MVB12A: variants seen among roughly 807,000 people sequenced by gnomAD.
MVB12A encodes multivesicular body subunit 12A.
MVB12A carries 30 observed loss-of-function variants against 34.3 expected under a neutral mutation model. The ratio of observed to expected loss-of-function variants is 0.88; its 90% CI spans 0.65 to 1.19. MVB12A has a LOEUF of 1.19. MVB12A is among the 50% of genes most tolerant of loss of function. MVB12A has a pLI of 0.00. For missense variants in MVB12A, 355 were observed against 369.2 expected (o/e 0.96, Z 0.31); for synonymous variants, 158 against 158.9 (o/e 0.99, Z 0.04).
At chr19:17,410,496 T>TTATATATATATA (rs1568387298) in intron 2 of MVB12A, among the ~76,000 whole-genome samples, 1 of 31,514 alleles carries the variant, frequency 3.2e-5, no homozygotes, top group Non-Finnish European at 7.6e-5. Flanking sequence ...GGTTTTAGCT[T>TTATATATATATA]CATATATATA....
chr19:17,422,154 G>T (rs1015400000), intron 3 of MVB12A, 178 bp from the exon 4 acceptor site: 3 of 496,178 alleles, frequency 6.0e-6, no homozygotes, highest in Non-Finnish European at 1.1e-5. Flanking sequence ...AGGCTGCATG[G>T]AATCCCCTCC....
chr19:17,409,814 C>A (rs1428392085), intron 2 of MVB12A, among the ~76,000 whole-genome samples: 1 of 151,326 alleles, frequency 6.6e-6, no homozygotes, highest in African/African-American at 2.4e-5. Flanking sequence ...TGCATTGGCA[C>A]GATCTCGTCT....
chr19:17,409,441 C>CTTTTTTTTT (rs781196057), intron 2 of MVB12A, among the ~76,000 whole-genome samples: 1 of 78,226 alleles, frequency 1.3e-5, no homozygotes, highest in African/African-American at 5.6e-5. Context: ...TCTGCCATTA[C>CTTTTTTTTT]TTTTTTTTTT....
Position 17,420,341 on chromosome 19 carries a change from C to A in MVB12A, c.119C>A (p.Ala40Asp). Reference sequence around the variant, plus strand: ...TCCTGCACCGTCGAGGGGGCACCCGCCAGCTTTGGCAAGAGCTTCGCGCAG... The same window carrying A: ...TCCTGCACCGTCGAGGGGGCACCCGACAGCTTTGGCAAGAGCTTCGCGCAG... ...AISCTVEGAP[A>D]SFGKSFAQKS... The change falls in exon 2 of 9, where the codon GCC becomes GAC. Residue 40 changes from alanine to aspartate, a missense_variant. Transcript: ENST00000317040. The A allele has an allele frequency of 6.2e-7, 1 of 1,612,846 alleles. No homozygotes were observed. Among genetic ancestry groups the A allele is most frequent in the Non-Finnish European group, 8.5e-7 (1 of 1,179,532 alleles).
intron 7 of MVB12A, among the ~76,000 whole-genome samples, chr19:17,424,342 G>A (rs1276447167): frequency 6.6e-6 from 1 of 152,150 alleles, no homozygotes; most frequent in Non-Finnish European, 1.5e-5. Context: ...AGCACTTTGG[G>A]AGACCAAGGC....
upstream of MVB12A, chr19:17,419,713 C>T (rs2015988): frequency 0.57 from 87,659 of 153,796 alleles, 25,102 homozygotes; most frequent in South Asian, 0.71. Context: ...TCAGCCACTG[C>T]GCGCGGCCAC....
At chr19:17,419,910 T>C (rs1032383670), upstream of MVB12A, 4 of 392,340 alleles carry the variant, frequency 1.0e-5, no homozygotes, top group Non-Finnish European at 1.8e-5. Context: ...CCATCATCGC[T>C]CACGCGCGCA....
chr19:17,421,562 C>T lies in MVB12A; in HGVS notation c.287-770C>T, dbSNP rs145501224. Among the ~76,000 whole-genome samples, 1,029 of 152,230 alleles carry T rather than the reference C, an allele frequency of 6.8e-3. 12 individuals are homozygous for T. Among genetic ancestry groups the T allele is most frequent in the Middle Eastern group, 0.02 (6 of 294 alleles). ...CTTATAGTAAATATTTTAGGCTTTA[C>T]AGGGCAGATGATGTGTTTTGCATAT... On this transcript the variant is annotated intron_variant, in intron 3 of 8. Transcript: ENST00000317040.
intron 2 of MVB12A, among the ~76,000 whole-genome samples, chr19:17,407,724 T>C (rs2074738171): frequency 6.6e-6 from 1 of 152,184 alleles, no homozygotes; most frequent in Non-Finnish European, 1.5e-5. Flanking sequence ...ACGGTTAGGC[T>C]GCCAGATAAC....
intron 2 of MVB12A, among the ~76,000 whole-genome samples, chr19:17,407,155 AGATT>A (rs1319743125): frequency 6.6e-6 from 1 of 152,124 alleles, no homozygotes; most frequent in African/African-American, 2.4e-5. Context: ...GGATAATAAT[AGATT>A]GATGTCCTCT....
In MVB12A at chr19:17,423,800, G is replaced by A. The variant is rs2074853612; in HGVS notation, c.640+1G>A. 6.2e-7 allele frequency: 1 copy of A among 1,613,498 alleles called. No individual in the cohort carries two copies. Among genetic ancestry groups the A allele is most frequent in the Non-Finnish European group, 8.5e-7 (1 of 1,179,622 alleles). On this transcript the variant is annotated splice_donor_variant, in intron 6 of 8. Coordinates refer to ENST00000317040, the MANE Select transcript of MVB12A (RefSeq NM_138401.4). LOFTEE classifies it high-confidence loss of function. Reference sequence around the variant, plus strand: ...GCCTCCAGCCTCTATGGCATCTCAGGTGAGCACAGAGTGGGGAAACTGAGG... The same window carrying A: ...GCCTCCAGCCTCTATGGCATCTCAGATGAGCACAGAGTGGGGAAACTGAGG...
At chr19:17,421,100 A>C (rs761537940) in intron 3 of MVB12A, 25 of 456,836 alleles carry the variant, frequency 5.5e-5, no homozygotes, top group Non-Finnish European at 1.0e-4. Context: ...CAGCCCTCCC[A>C]GCCCCACCTG....
chr19:17,406,138 G>C (rs2074727213), exon 2 of MVB12A: 1 of 152,270 alleles, frequency 6.6e-6, no homozygotes, highest in Non-Finnish European at 1.5e-5. Flanking sequence ...AGGGGACTAT[G>C]GGAGACATGG....
intron 4 of MVB12A, 48 bp from the exon 5 acceptor site, chr19:17,423,450 T>G (rs1374062164): frequency 6.3e-7 from 1 of 1,596,612 alleles, no homozygotes; most frequent in East Asian, 2.2e-5. Flanking sequence ...TCCTCAACCC[T>G]GGCCCCACAC....
At chr19:17,410,595 T>C (rs11673375) in intron 2 of MVB12A, among the ~76,000 whole-genome samples, 3 of 138,974 alleles carry the variant, frequency 2.2e-5, no homozygotes, top group Non-Finnish European at 4.6e-5. Context: ...TATACACACA[T>C]ATATATATAC....
intron 3 of MVB12A, 30 bp downstream of exon 3, chr19:17,420,664 C>G (rs1479991491): frequency 6.6e-7 from 1 of 1,522,810 alleles, no homozygotes; most frequent in African/African-American, 1.4e-5. Context: ...CGAGAGTTGT[C>G]CGGGTCCCTT....
upstream of MVB12A, among the ~76,000 whole-genome samples, chr19:17,416,256 C>T (rs898114277): frequency 8.8e-6 from 1 of 114,074 alleles, no homozygotes. Context: ...GGATTACAGG[C>T]GCATGCCACC....
intron 3 of MVB12A, among the ~76,000 whole-genome samples, chr19:17,421,681 C>T (rs1419945695): frequency 6.6e-6 from 1 of 151,950 alleles, no homozygotes; most frequent in African/African-American, 2.4e-5. Flanking sequence ...GTGGTTCACA[C>T]CTGTAATCCC....
At chr19:17,423,397 A>T in intron 4 of MVB12A, 101 bp from the exon 5 acceptor site, 17 of 1,275,980 alleles carry the variant, frequency 1.3e-5, no homozygotes, top group Non-Finnish European at 1.6e-5. Context: ...CAAAAGACAG[A>T]GGTCACCTGC....
Sources: gnomAD v4.1 joint callset for allele counts (sites outside exome capture counted in the v4.1 genomes callset) on GRCh38, gnomAD v4.1.1 for gene constraint, MANE v1.5 for transcripts, NCBI Gene and HGNC (gene_info 2026-07-23, HGNC 2026-07-21) for gene names.